TPD52L2: variants seen among roughly 807,000 people sequenced by gnomAD.
TPD52L2 encodes the protein tumor protein D54.
In TPD52L2, 19 loss-of-function variants were observed where a neutral mutation model predicts 24.7. The ratio of observed to expected loss-of-function variants is 0.77; its 90% CI spans 0.54 to 1.13. The LOEUF is 1.13. Ranked by LOEUF, TPD52L2 falls within the 50% of genes most tolerant of loss-of-function variation. The pLI is 0.00. For missense variants in TPD52L2, 236 were observed against 250.4 expected (o/e 0.94, Z 0.39); for synonymous variants, 104 against 100.2 (o/e 1.04, Z -0.23).
intron 2 of TPD52L2, among the ~76,000 whole-genome samples, chr20:63,873,164 C>T (rs1197042642): frequency 6.6e-6 from 1 of 151,970 alleles, no homozygotes; most frequent in Non-Finnish European, 1.5e-5. Context: ...GGGATAGTTC[C>T]CTGGAGTCAA....
intron 4 of TPD52L2, among the ~76,000 whole-genome samples, chr20:63,880,768 G>A (rs1035497056): frequency 6.6e-6 from 1 of 151,988 alleles, no homozygotes; most frequent in Admixed American, 6.6e-5. Flanking sequence ...GCGGGCGCCT[G>A]TAGTCCCAGC....
intron 2 of TPD52L2, among the ~76,000 whole-genome samples, chr20:63,870,949 C>T (rs2052440869): frequency 6.6e-6 from 1 of 152,052 alleles, no homozygotes; most frequent in African/African-American, 2.4e-5. Context: ...AACTCCTGAT[C>T]TTGTGATCCA....
At chr20:63,876,607 T>C (rs1017537231) in intron 4 of TPD52L2, 1 of 366,606 alleles carries the variant, frequency 2.7e-6, no homozygotes, top group South Asian at 2.0e-5. Context: ...TCATCTGTTA[T>C]TTAGAAGGAA....
At chr20:63,866,886 G>A (rs569009760) in intron 1 of TPD52L2, among the ~76,000 whole-genome samples, 10 of 149,378 alleles carry the variant, frequency 6.7e-5, no homozygotes, top group South Asian at 4.2e-4. Context: ...ATCTTCCTGC[G>A]TCAGCCTCCC....
At chr20:63,874,113 G>T (rs1187467935) in intron 3 of TPD52L2, among the ~76,000 whole-genome samples, 2 of 151,890 alleles carry the variant, frequency 1.3e-5, no homozygotes. Context: ...GTGTAGTGGC[G>T]TGATCTTAGC....
At chr20:63,883,916 G>A (rs965711641) in intron 5 of TPD52L2, among the ~76,000 whole-genome samples, 22 of 152,026 alleles carry the variant, frequency 1.4e-4, no homozygotes, top group African/African-American at 4.8e-4. Context: ...GTCGTCCTGC[G>A]CCAGTGCTTT....
rs1053590193 is a variant in TPD52L2, at chr20:63,877,469, G to A, written c.374+1594G>A. On this transcript the variant is annotated intron_variant, in intron 4 of 6. Transcript: ENST00000346249. The surrounding 1 kb of genome is among the most constrained non-coding windows in gnomAD (Gnocchi z 4.1). ...CCACTGCACCCGGCTTGAGCAGGGT[G>A]TTCTAGGGACCCTGGTGGGCTGTGT... 6.6e-6 allele frequency among the ~76,000 whole-genome samples: 1 copy of A among 152,180 alleles called. No homozygotes were observed. Among genetic ancestry groups the A allele is most frequent in the Non-Finnish European group, 1.5e-5 (1 of 68,024 alleles).
intron 5 of TPD52L2, among the ~76,000 whole-genome samples, chr20:63,886,407 T>C (rs4809243): frequency 0.084 from 12,750 of 151,422 alleles, 744 homozygotes; most frequent in East Asian, 0.22. Flanking sequence ...GTCGCCCAGG[T>C]TGGAGTGCCG....
chr20:63,871,394 G>T (rs2052458811), intron 2 of TPD52L2, among the ~76,000 whole-genome samples: 3 of 151,628 alleles, frequency 2.0e-5, no homozygotes, highest in South Asian at 2.1e-4. Flanking sequence ...CTGTCGCCCA[G>T]GCTGGAGTGC....
chr20:63,875,516 T>A (rs942671260), intron 3 of TPD52L2, among the ~76,000 whole-genome samples: 2 of 152,260 alleles, frequency 1.3e-5, no homozygotes, highest in Non-Finnish European at 2.9e-5. Flanking sequence ...AGCTGTGGGC[T>A]GTGCCCTTCC....
chr20:63,866,954 CT>C (rs72491050), intron 1 of TPD52L2, among the ~76,000 whole-genome samples: 518 of 139,610 alleles, frequency 3.7e-3, no homozygotes, highest in Non-Finnish European at 4.5e-3. Context: ...GGTCTTTCTA[CT>C]TTTTTTTTTT....
intron 3 of TPD52L2, among the ~76,000 whole-genome samples, chr20:63,875,026 C>T (rs763721201): frequency 1.8e-4 from 28 of 151,888 alleles, no homozygotes; most frequent in Admixed American, 7.9e-4. Flanking sequence ...CCTGTGATCT[C>T]GGCTACTAGG....
In TPD52L2 at chr20:63,890,231, G is replaced by T; in HGVS notation, c.*286G>T. 1.7e-6 allele frequency: 1 copy of T among 586,254 alleles called. No homozygotes were observed. The highest frequency in any genetic ancestry group is 2.8e-6 in the Non-Finnish European group (1 of 352,132). The allele number at this position is 586,254 out of a possible 1,614,324, so 36.3% of individuals were successfully genotyped here. On this transcript the variant is annotated 3_prime_UTR_variant, in exon 7 of 7. Coordinates refer to ENST00000346249, the MANE Select transcript of TPD52L2 (RefSeq NM_003288.4). ...AGGGCGGAGGGTTTGAAAGAATATT[G>T]AGCCAAAGCCCAGGCTCCCTTTGGG...
At chr20:63,882,056 T>G (rs1254825853) in intron 4 of TPD52L2, among the ~76,000 whole-genome samples, 1 of 152,210 alleles carries the variant, frequency 6.6e-6, no homozygotes, top group Non-Finnish European at 1.5e-5. Flanking sequence ...GGACAGACCC[T>G]TGCACTGTGA....
At chr20:63,869,674 G>T (rs1317544549) in intron 2 of TPD52L2, among the ~76,000 whole-genome samples, 1 of 152,202 alleles carries the variant, frequency 6.6e-6, no homozygotes, top group Non-Finnish European at 1.5e-5. Flanking sequence ...ATACCTCTGT[G>T]CCTGGCCCTT....
chr20:63,890,147 C>CA lies in TPD52L2; in HGVS notation c.*203dup, dbSNP rs959031696. 45 of 1,215,558 alleles carry CA rather than the reference C, an allele frequency of 3.7e-5. No individual in the cohort carries two copies. Among genetic ancestry groups the CA allele is most frequent in the Admixed American group, 7.4e-5 (3 of 40,436 alleles). 75.3% of individuals were successfully genotyped at this position (1,215,558 alleles called of 1,614,324 possible). A position where few individuals can be genotyped will look rare whatever the true frequency, so the allele number is the denominator to read the frequency against. Reference sequence around the variant, plus strand: ...GGCTTGTACACAGATGTTTTACACTCACGTTTGTAGATGAAACAGATCACT... The same window carrying CA: ...GGCTTGTACACAGATGTTTTACACTCAACGTTTGTAGATGAAACAGATCACT... On this transcript the variant is annotated 3_prime_UTR_variant, in exon 7 of 7. Coordinates refer to ENST00000346249, the MANE Select transcript of TPD52L2 (RefSeq NM_003288.4).
At chr20:63,867,789 T>TG (rs1425990659) in intron 1 of TPD52L2, among the ~76,000 whole-genome samples, 1 of 150,674 alleles carries the variant, frequency 6.6e-6, no homozygotes, top group Non-Finnish European at 1.5e-5. Context: ...TCTTTTCTTT[T>TG]GTTTTTTTTT....
chr20:63,869,547 G>C, intron 2 of TPD52L2, 106 bp downstream of exon 2: 1 of 1,410,314 alleles, frequency 7.1e-7, no homozygotes, highest in East Asian at 2.3e-5. Context: ...TGCCCTGGGT[G>C]GTCACCTACC....
Position 63,874,196 on chromosome 20 carries a change from C to A in TPD52L2, c.314+380C>A, listed in dbSNP as rs556705215. ...CCTCCCAAGTAGCTGGGATTACAGG[C>A]GCCTCCCACCGCGCCCGGCTGATTT... is the stretch of plus-strand genomic sequence containing the variant. On this transcript the variant is annotated intron_variant, in intron 3 of 6. Transcript: ENST00000346249. Among the ~76,000 whole-genome samples, 6 of 150,526 alleles carry A rather than the reference C, an allele frequency of 4.0e-5. No homozygotes were observed. The East Asian group carries it at 1.2e-3, about 30-fold the overall frequency.
Sources: gnomAD v4.1 joint callset for allele counts (sites outside exome capture counted in the v4.1 genomes callset) on GRCh38, gnomAD v4.1.1 for gene constraint, Gnocchi (gnomAD v3.1) non-coding constraint, MANE v1.5 for transcripts, NCBI Gene and HGNC (gene_info 2026-07-23, HGNC 2026-07-21) for gene names.